Variants in DOCK9 observed in about 807,000 individuals in gnomAD.
DOCK9 encodes the protein dedicator of cytokinesis 9.
DOCK9 carries 89 observed loss-of-function variants against 263.3 expected under a neutral mutation model. The observed-to-expected ratio is 0.34, with a 90% CI of 0.28 to 0.40. The LOEUF is 0.40. DOCK9 is among the 10% of genes least tolerant of loss of function. The pLI is 1.00. For synonymous variants in DOCK9, 976 were observed against 973.1 expected, an observed-to-expected ratio of 1.00 and a Z score of -0.06; for missense variants, 2,140 against 2,603.4, an observed-to-expected ratio of 0.82 and a Z score of 3.87.
intron 27 of DOCK9, among the ~76,000 whole-genome samples, chr13:98,877,677 T>G (rs968478298): frequency 1.3e-5 from 2 of 152,174 alleles, no homozygotes; most frequent in African/African-American, 4.8e-5. Flanking sequence ...CTGAGCACTT[T>G]GTTCCTACCT....
chr13:98,877,016 C>G (rs912213480), intron 27 of DOCK9, among the ~76,000 whole-genome samples: 1 of 152,230 alleles, frequency 6.6e-6, no homozygotes, highest in Non-Finnish European at 1.5e-5. Context: ...ATATAATTAA[C>G]TTACAGAAAA....
Position 98,951,903 on chromosome 13 carries a change from C to CTTTTTTTTT in DOCK9, c.243+3523_243+3531dup, listed in dbSNP as rs71114563. Among the ~76,000 whole-genome samples, 139 of 134,896 alleles carry CTTTTTTTTT rather than the reference C, an allele frequency of 1.0e-3. 2 individuals carry two copies. The highest frequency in any genetic ancestry group is 2.2e-3 in the African/African-American group (79 of 36,176). 88.5% of individuals were successfully genotyped at this position (134,896 alleles called of 152,430 possible). A position where few individuals can be genotyped will look rare whatever the true frequency, so the allele number is the denominator to read the frequency against. The stretch of plus-strand genomic sequence containing the variant: ...ATGTACTTTACTTCATTAATATTCC[C>CTTTTTTTTT]TTTTTTTTTTTGAGATGGAGTTTTC... On this transcript the variant is annotated intron_variant, in intron 2 of 52. Transcript: ENST00000682017.
chr13:98,979,297 C>A (rs1480274358), upstream of DOCK9, among the ~76,000 whole-genome samples: 1 of 152,008 alleles, frequency 6.6e-6, no homozygotes, highest in Non-Finnish European at 1.5e-5. Context: ...TATCATGTAG[C>A]AACAATAGGT....
In DOCK9 at chr13:98,794,527, G is replaced by T; in HGVS notation, c.*99C>A. ...TTTCCTTTCTCTCCCCTTCCCCTTG[G>T]TCCTCCCTGTGCTCGGTCTCCCCAG... On this transcript the variant is annotated 3_prime_UTR_variant, in exon 53 of 53. Transcript: ENST00000682017. 7.7e-7 allele frequency: 1 copy of T among 1,298,504 alleles called. No individual in the cohort carries two copies. The highest frequency in any genetic ancestry group is 1.5e-5 in the South Asian group (1 of 65,134). 80.4% of individuals were successfully genotyped at this position (1,298,504 alleles called of 1,614,324 possible). A position where few individuals can be genotyped will look rare whatever the true frequency, so the allele number is the denominator to read the frequency against.
chr13:98,988,434 C>T (rs1381539437), intron 1 of DOCK9, among the ~76,000 whole-genome samples: 2 of 152,204 alleles, frequency 1.3e-5, no homozygotes, highest in Non-Finnish European at 1.5e-5. Context: ...GGTCCTCCGT[C>T]CACCCTGAGA....
At chr13:98,835,466 G>C (rs1009909156) in intron 39 of DOCK9, among the ~76,000 whole-genome samples, 1 of 152,144 alleles carries the variant, frequency 6.6e-6, no homozygotes, top group African/African-American at 2.4e-5. Context: ...TCCCAGCTGG[G>C]GGGAGGTGAG....
At position 99,027,813 on chromosome 13, in the gene DOCK9, C is replaced by A. The variant is rs575219689; in HGVS notation, c.129+58410G>T. ...GGCTCATGGCCTACAATTTGAAAAA[C>A]CACTGAATGTGCCAGTTCTGAGCCA... On this transcript the variant is annotated intron_variant, in intron 1 of 32. Transcript: ENST00000427887. Among the ~76,000 whole-genome samples the A allele has an allele frequency of 2.1e-4, 32 of 152,218 alleles. 1 individual carries two copies. The East Asian group carries it at 2.5e-3, about 12-fold the overall frequency.
rs574229121 is a variant in DOCK9 at position 98,845,258 on chromosome 13, T to G, written c.4198+666A>C. On this transcript the variant is annotated intron_variant, in intron 38 of 52. Coordinates refer to ENST00000682017, the MANE Select transcript of DOCK9 (RefSeq NM_001366683.2). ...AAGCCCCAAAGTTAGGAAGGCAAGA[T>G]GAACAAAAAGGGTCTTGGCTTGCAA... 48 of 1,148,264 alleles carry G rather than the reference T, an allele frequency of 4.2e-5. No individual in the cohort carries two copies. The East Asian group carries it at 2.4e-3, about 56-fold the overall frequency. The allele number at this position is 1,148,264 out of a possible 1,614,324, so 71.1% of individuals were successfully genotyped here.
chr13:98,930,146 T>C (rs1387012761), intron 3 of DOCK9, 22 bp downstream of exon 3: 1 of 1,592,478 alleles, frequency 6.3e-7, no homozygotes, highest in East Asian at 2.3e-5. Context: ...AAAATGTAAA[T>C]TAATGCAGGA....
intron 1 of DOCK9, among the ~76,000 whole-genome samples, chr13:98,986,799 CA>C (rs1408477473): frequency 6.6e-6 from 1 of 152,098 alleles, no homozygotes; most frequent in Non-Finnish European, 1.5e-5. Context: ...CCTAAGAAGT[CA>C]AACTTTTCCC....
At chr13:98,840,414 G>A (rs778622968) in intron 38 of DOCK9, among the ~76,000 whole-genome samples, 4 of 152,140 alleles carry the variant, frequency 2.6e-5, no homozygotes, top group Non-Finnish European at 4.4e-5. Context: ...CACATGCCCC[G>A]GGATGCTTTA....
chr13:99,037,344 C>T lies in DOCK9; in HGVS notation c.129+48879G>A, dbSNP rs542666917. 1.4e-4 allele frequency among the ~76,000 whole-genome samples: 22 copies of T among 151,956 alleles called. No homozygotes were observed. The East Asian group carries it at 4.3e-3, about 29-fold the overall frequency. On this transcript the variant is annotated intron_variant, in intron 1 of 32. Transcript: ENST00000427887. ...CAAACATTTCGCCAAAAAAAATACA[C>T]AGAAAGCAATACATTAAAGATGCTC...
At chr13:98,827,419 A>G (rs192577157) in intron 43 of DOCK9, among the ~76,000 whole-genome samples, 1 of 152,256 alleles carries the variant, frequency 6.6e-6, no homozygotes, top group African/African-American at 2.4e-5. Flanking sequence ...TGAAAGAAAA[A>G]AGAAATTTTT....
At chr13:99,027,083 A>G (rs9300525) in intron 1 of DOCK9, among the ~76,000 whole-genome samples, 78,976 of 151,396 alleles carry the variant, frequency 0.52, 20,826 homozygotes, top group South Asian at 0.68. Flanking sequence ...GTAGTGCCAC[A>G]ATCTCGGCTC....
intron 45 of DOCK9, among the ~76,000 whole-genome samples, chr13:98,810,640 C>A (rs563705274): frequency 6.6e-6 from 1 of 152,268 alleles, no homozygotes; most frequent in South Asian, 2.1e-4. Flanking sequence ...CTAGAAATTT[C>A]TTTTCCTTTT....
At chr13:99,011,897 CTGTG>C (rs1884551531) in intron 1 of DOCK9, among the ~76,000 whole-genome samples, 2 of 152,250 alleles carry the variant, frequency 1.3e-5, no homozygotes, top group African/African-American at 4.8e-5. Context: ...TCACAGCTCA[CTGTG>C]GCCTCAACCT....
chr13:99,036,031 G>A (rs1304402704), intron 1 of DOCK9, among the ~76,000 whole-genome samples: 1 of 152,032 alleles, frequency 6.6e-6, no homozygotes, highest in East Asian at 1.9e-4. Flanking sequence ...AGCCTTCCAA[G>A]CCTGCCTGCC....
chr13:98,978,810 G>C (rs1458458862), upstream of DOCK9, among the ~76,000 whole-genome samples: 3 of 152,142 alleles, frequency 2.0e-5, no homozygotes, highest in Non-Finnish European at 4.4e-5. Flanking sequence ...AAAATTAAGA[G>C]AGAGATGCAC....
At chr13:99,055,020 A>G (rs1398850442) in intron 1 of DOCK9, among the ~76,000 whole-genome samples, 2 of 152,246 alleles carry the variant, frequency 1.3e-5, no homozygotes, top group Non-Finnish European at 2.9e-5. Context: ...AAGCAGGGAA[A>G]GAATTGCCTC....
Sources: allele counts gnomAD v4.1 joint callset (sites outside exome capture counted in the v4.1 genomes callset), GRCh38; gene constraint gnomAD v4.1.1; transcripts MANE v1.5; gene names NCBI Gene and HGNC (gene_info 2026-07-23, HGNC 2026-07-21).